PDE1C: variants seen among roughly 807,000 people sequenced by gnomAD.
PDE1C encodes dual specificity calcium/calmodulin-dependent 3',5'-cyclic nucleotide phosphodiesterase 1C.
Under a neutral mutation model 93.1 loss-of-function variants are expected in PDE1C, and 62 were observed. The ratio of observed to expected loss-of-function variants is 0.67; its 90% CI spans 0.54 to 0.82. The LOEUF (loss-of-function observed/expected upper bound fraction) is 0.82, where lower values mean the gene tolerates loss of function less well. Among genes scored for constraint, PDE1C ranks in the 40% least tolerant of loss-of-function variants. The pLI is 0.00. For missense variants in PDE1C, 742 were observed against 884.6 expected, an observed-to-expected ratio of 0.84 and a Z score of 2.04; for synonymous variants, 325 against 310.1, an observed-to-expected ratio of 1.05 and a Z score of -0.50.
At chr7:31,625,533 G>A in the PDE1C span, among the ~76,000 whole-genome samples, 1 of 151,942 alleles carries the variant, frequency 6.6e-6, no homozygotes, top group East Asian at 1.9e-4. Flanking sequence ...CAAAAAACCA[G>A]ACACCACATA....
At chr7:32,423,927 ATC>A (rs747974470) in intron 1 of PDE1C, among the ~76,000 whole-genome samples, 1 of 152,246 alleles carries the variant, frequency 6.6e-6, no homozygotes, top group Non-Finnish European at 1.5e-5. Flanking sequence ...TAATGTCAGG[ATC>A]TCTCTGCAAC....
At chr7:31,645,345 A>G in the PDE1C span, among the ~76,000 whole-genome samples, 1 of 152,328 alleles carries the variant, frequency 6.6e-6, no homozygotes, top group East Asian at 1.9e-4. Flanking sequence ...AGTTTAAATA[A>G]TTTATCAGAT....
intron 15 of PDE1C, among the ~76,000 whole-genome samples, chr7:31,812,371 A>G (rs6980426): frequency 0.064 from 9,796 of 152,092 alleles, 409 homozygotes; most frequent in East Asian, 0.22. Context: ...TTGTTTCCCT[A>G]TGGTAGAATT....
At chr7:32,209,954 C>T (rs912984328) in intron 1 of PDE1C, among the ~76,000 whole-genome samples, 1 of 152,122 alleles carries the variant, frequency 6.6e-6, no homozygotes, top group African/African-American at 2.4e-5. Flanking sequence ...AATCTGGTTT[C>T]CTAGGATCCA....
At chr7:32,315,218 C>T (rs552356122) in intron 1 of PDE1C, among the ~76,000 whole-genome samples, 2 of 151,858 alleles carry the variant, frequency 1.3e-5, no homozygotes, top group African/African-American at 2.4e-5. Flanking sequence ...GACAGAATAG[C>T]CAAGGACAAA....
intron 2 of PDE1C, among the ~76,000 whole-genome samples, chr7:31,919,934 C>A (rs1321526287): frequency 2.0e-5 from 3 of 152,172 alleles, no homozygotes; most frequent in Non-Finnish European, 4.4e-5. Flanking sequence ...TGCCTGGGAG[C>A]CAGGCTGTGC....
chr7:31,650,591 G>T, the PDE1C span, among the ~76,000 whole-genome samples: 1 of 152,164 alleles, frequency 6.6e-6, no homozygotes, highest in African/African-American at 2.4e-5. Context: ...GCCTTCCTCA[G>T]GGTGGGCTTG....
At chr7:32,160,393 T>C (rs752866290) in intron 3 of PDE1C, among the ~76,000 whole-genome samples, 1 of 152,232 alleles carries the variant, frequency 6.6e-6, no homozygotes, top group Non-Finnish European at 1.5e-5. Context: ...TCTTGGGGTA[T>C]TGACAAAGTT....
At chr7:32,014,039 G>A (rs1292608890) in intron 2 of PDE1C, among the ~76,000 whole-genome samples, 2 of 152,210 alleles carry the variant, frequency 1.3e-5, no homozygotes, top group Non-Finnish European at 2.9e-5. Flanking sequence ...GCCCTAATGA[G>A]TTATCCCTGT....
intron 2 of PDE1C, among the ~76,000 whole-genome samples, chr7:31,919,921 C>T (rs1802395342): frequency 6.6e-6 from 1 of 152,222 alleles, no homozygotes; most frequent in South Asian, 2.1e-4. Context: ...TGAGCAGCCT[C>T]ATTGCCTGGG....
chr7:32,176,598 CATA>C (rs1803005798), intron 2 of PDE1C, among the ~76,000 whole-genome samples: 1 of 152,168 alleles, frequency 6.6e-6, no homozygotes, highest in South Asian at 2.1e-4. Context: ...ATATTAGTAA[CATA>C]ATTATAATGG....
chr7:31,860,339 A>G (rs1011577664), intron 7 of PDE1C, among the ~76,000 whole-genome samples: 15 of 152,316 alleles, frequency 9.8e-5, no homozygotes, highest in African/African-American at 3.6e-4. Context: ...AAAGCAACAA[A>G]GAATTATCTG....
At chr7:31,843,921 G>A (rs1792224790) in intron 9 of PDE1C, among the ~76,000 whole-genome samples, 1 of 151,386 alleles carries the variant, frequency 6.6e-6, no homozygotes, top group Admixed American at 6.6e-5. Flanking sequence ...GGTTGCTTGG[G>A]GATTACAACA....
At chr7:32,334,347 A>G (rs1783571199) in intron 1 of PDE1C, among the ~76,000 whole-genome samples, 1 of 152,152 alleles carries the variant, frequency 6.6e-6, no homozygotes. Flanking sequence ...AACTTTGTCC[A>G]CATTTTTGAT....
intron 1 of PDE1C, among the ~76,000 whole-genome samples, chr7:32,285,348 T>C (rs1171957681): frequency 1.3e-5 from 2 of 152,202 alleles, no homozygotes; most frequent in Non-Finnish European, 2.9e-5. Flanking sequence ...ATCCCACTCC[T>C]AGGAACCTAC....
At chr7:31,820,548 G>A (rs1371595488) in intron 14 of PDE1C, 1 of 151,922 alleles carries the variant, frequency 6.6e-6, no homozygotes, top group East Asian at 1.9e-4. Context: ...TGTAAATCAG[G>A]TTGGTTAACA....
At chr7:31,968,296 G>A (rs1436034272) in intron 2 of PDE1C, among the ~76,000 whole-genome samples, 1 of 152,146 alleles carries the variant, frequency 6.6e-6, no homozygotes, top group Non-Finnish European at 1.5e-5. Context: ...AAAATCACAA[G>A]CATTCTTACA....
In PDE1C at chr7:32,031,521, C is replaced by T. The variant is rs371371089; in HGVS notation, c.128+20033G>A. Among the ~76,000 whole-genome samples the T allele has an allele frequency of 3.4e-4, 51 of 152,204 alleles. No homozygotes were observed. In the East Asian group the frequency reaches 9.7e-3, roughly 29 times the overall value. On this transcript the variant is annotated intron_variant, in intron 2 of 17. Transcript: ENST00000396191. Reference sequence around the variant, plus strand: ...GTGGAATCAGGGTATTGTGAAATCACAGAAGTGTTAACAGCCAGTTCCTTT... The same window carrying T: ...GTGGAATCAGGGTATTGTGAAATCATAGAAGTGTTAACAGCCAGTTCCTTT...
intron 2 of PDE1C, among the ~76,000 whole-genome samples, chr7:31,885,778 T>C (rs142024974): frequency 2.6e-5 from 4 of 152,202 alleles, no homozygotes; most frequent in African/African-American, 9.7e-5. Flanking sequence ...TTCAACTTTA[T>C]AATTTAGAAA....
Sources: gnomAD v4.1 joint callset for allele counts (sites outside exome capture counted in the v4.1 genomes callset) on GRCh38, gnomAD v4.1.1 for gene constraint, MANE v1.5 for transcripts, NCBI Gene and HGNC (gene_info 2026-07-23, HGNC 2026-07-21) for gene names.